Variants in RPL32 observed in about 807,000 individuals in gnomAD.
RPL32 encodes the protein ribosomal protein L32.
For missense variants in RPL32, 117 were observed against 173.7 expected, an observed-to-expected ratio of 0.67 and a Z score of 1.83; for synonymous variants, 61 against 62.6, an observed-to-expected ratio of 0.98 and a Z score of 0.12.
intron 1 of RPL32, 94 bp from the exon 2 acceptor site, chr3:12,840,336 C>T (rs569867218): frequency 2.2e-6 from 2 of 920,662 alleles, no homozygotes; most frequent in South Asian, 1.3e-5. Context: ...GTCTTCCAAT[C>T]GCCAGCTACG....
chr3:12,838,968 G>A (rs2062123566), intron 3 of RPL32: 23 of 311,024 alleles, frequency 7.4e-5, no homozygotes, highest in South Asian at 7.4e-4. Context: ...ATTTGGCTCA[G>A]AATAAATCTC....
intron 3 of RPL32, among the ~76,000 whole-genome samples, chr3:12,836,900 C>G (rs952841407): frequency 2.6e-5 from 4 of 152,102 alleles, no homozygotes; most frequent in African/African-American, 9.7e-5. Flanking sequence ...ACATTCCACC[C>G]CTAAAGCATT....
chr3:12,839,594 A>AG (rs1427081714), intron 2 of RPL32, 64 bp from the exon 3 acceptor site: 7 of 1,470,608 alleles, frequency 4.8e-6, no homozygotes, highest in Non-Finnish European at 5.7e-6. Context: ...CCTTTTGGGG[A>AG]GGGAAAAAAA....
intron 1 of RPL32, chr3:12,840,815 A>C (rs1575791020): frequency 1.2e-5 from 3 of 240,146 alleles, no homozygotes; most frequent in Non-Finnish European, 2.6e-5. Context: ...ATCAACTCAC[A>C]CCTTCCTCAG....
intron 3 of RPL32, among the ~76,000 whole-genome samples, chr3:12,838,774 C>T (rs1239893548): frequency 7.2e-5 from 11 of 152,190 alleles, no homozygotes; most frequent in Non-Finnish European, 1.2e-4. Flanking sequence ...CGACGAGAAA[C>T]AGAAAATCTA....
chr3:12,835,826 G>A lies in RPL32; in HGVS notation c.*268C>T, dbSNP rs2062095006. ...AAGTGTCTCAGAACCTACCTGGTGT[G>A]AGGGCCAAGTCTGTACCCCTCATAC... On this transcript the variant is annotated 3_prime_UTR_variant, in exon 4 of 4. Coordinates refer to ENST00000429711, the MANE Select transcript of RPL32 (RefSeq NM_000994.4). 1 of 387,994 alleles carries A rather than the reference G, an allele frequency of 2.6e-6. No individual in the cohort carries two copies. The highest frequency in any genetic ancestry group is 2.1e-5 in the African/African-American group (1 of 48,716). The allele number at this position is 387,994 out of a possible 1,614,324, so 24.0% of individuals were successfully genotyped here.
In RPL32 at chr3:12,836,081, G is replaced by C. The variant is rs1185116240; in HGVS notation, c.*13C>G. The C allele has an allele frequency of 6.2e-7, 1 of 1,610,590 alleles. No individual in the cohort carries two copies. Among genetic ancestry groups the C allele is most frequent in the African/African-American group, 1.3e-5 (1 of 74,920 alleles). On this transcript the variant is annotated 3_prime_UTR_variant, in exon 4 of 4. Coordinates refer to ENST00000429711, the MANE Select transcript of RPL32 (RefSeq NM_000994.4). ...TTACATTTATTTAAACAGAAAACGTGCACATGAGCTGCCTACTCATTTTCT... is the reference window on the plus strand; with the variant it reads ...TTACATTTATTTAAACAGAAAACGTCCACATGAGCTGCCTACTCATTTTCT...
chr3:12,838,973 A>C, intron 3 of RPL32: 1 of 314,310 alleles, frequency 3.2e-6, no homozygotes, highest in South Asian at 3.2e-5. Flanking sequence ...GCTCAGAATA[A>C]ATCTCTTCGA....
chr3:12,838,888 T>TC (rs1289088078), intron 3 of RPL32, among the ~76,000 whole-genome samples: 1 of 152,112 alleles, frequency 6.6e-6, no homozygotes, highest in African/African-American at 2.4e-5. Flanking sequence ...ACCAAGCTGC[T>TC]CCCCGCCCAC....
chr3:12,835,498 G>C lies in RPL32; in HGVS notation c.*596C>G, dbSNP rs1164819307. 1 of 152,708 alleles carries C rather than the reference G, an allele frequency of 6.5e-6. No homozygotes were observed. Among genetic ancestry groups the C allele is most frequent in the Non-Finnish European group, 1.5e-5 (1 of 68,394 alleles). The allele number at this position is 152,708 out of a possible 1,614,324, so 9.5% of individuals were successfully genotyped here. ...AGTTAGGTCCCCGCCTTGGCAAACTGCTGTAACATTATACCTGAAGCAGCA... is the reference window on the plus strand; with the variant it reads ...AGTTAGGTCCCCGCCTTGGCAAACTCCTGTAACATTATACCTGAAGCAGCA... On this transcript the variant is annotated 3_prime_UTR_variant, in exon 4 of 4. Transcript: ENST00000429711.
intron 2 of RPL32, 197 bp from the exon 3 acceptor site, chr3:12,839,727 C>T: frequency 3.2e-6 from 2 of 633,058 alleles, no homozygotes; most frequent in Non-Finnish European, 5.5e-6. Context: ...GGGATGAAGG[C>T]ACCCCCACCA....
chr3:12,836,136 G>T lies in RPL32; in HGVS notation c.366C>A (p.Val122=), dbSNP rs2062098136. ...VERAAQLAIR[V]TNPNARLRSE... ...TGCGCAGCCTGGCATTGGGGTTGGT[G>T]ACTCTGATGGCCAGTTGGGCAGCTC... The change falls in exon 4 of 4, where the codon GTC becomes GTA. Residue 122 remains valine (V), a synonymous_variant. Coordinates refer to ENST00000429711, the MANE Select transcript of RPL32 (RefSeq NM_000994.4). 2.5e-6 allele frequency: 4 copies of T among 1,608,856 alleles called. No homozygotes were observed. The highest frequency in any genetic ancestry group is 1.7e-5 in the Admixed American group (1 of 60,022).
chr3:12,835,409 CAAAA>C lies in RPL32; in HGVS notation c.*681_*684del, dbSNP rs1381039112. On this transcript the variant is annotated 3_prime_UTR_variant, in exon 4 of 4. Transcript: ENST00000429711. Reference sequence around the variant, plus strand: ...CTGGGTGAGAGCAAGACCCCGTCTCCAAAAAAAATCAGGACCACGTGTCACTAAA... The same window carrying C: ...CTGGGTGAGAGCAAGACCCCGTCTCCAAAATCAGGACCACGTGTCACTAAA... 2 of 151,900 alleles carry C rather than the reference CAAAA, an allele frequency of 1.3e-5. No homozygotes were observed. The highest frequency in any genetic ancestry group is 4.8e-5 in the African/African-American group (2 of 41,296). The allele number at this position is 151,900 out of a possible 1,614,324, so 9.4% of individuals were successfully genotyped here.
intron 3 of RPL32, among the ~76,000 whole-genome samples, chr3:12,838,173 A>G (rs1342877260): frequency 6.6e-6 from 1 of 152,220 alleles, no homozygotes; most frequent in Non-Finnish European, 1.5e-5. Context: ...TTGGGAGGCT[A>G]AGGCAGGCAG....
In RPL32 at chr3:12,840,233, G is replaced by A. The variant is rs776601154; in HGVS notation, c.5C>T (p.Ala2Val). 1.2e-6 allele frequency: 2 copies of A among 1,613,442 alleles called. No homozygotes were observed. The highest frequency in any genetic ancestry group is 2.2e-5 in the South Asian group (2 of 91,076). Residue 2 changes from alanine (A) to valine (V), a missense_variant, in exon 2 of 4, where the codon GCC (alanine) becomes GTC (valine). Coordinates refer to ENST00000429711, the MANE Select transcript of RPL32 (RefSeq NM_000994.4). M[A>V]ALRPLVKPKI... Reference sequence around the variant, plus strand: ...GGGCTTCACAAGGGGTCTGAGGGCGGCCATGATGCCTTTTGGGGAAGAAGC... The same window carrying A: ...GGGCTTCACAAGGGGTCTGAGGGCGACCATGATGCCTTTTGGGGAAGAAGC...
intron 1 of RPL32, 36 bp from the exon 2 acceptor site, chr3:12,840,278 T>A (rs375436042): frequency 6.8e-7 from 1 of 1,470,214 alleles, no homozygotes; most frequent in African/African-American, 1.4e-5. Context: ...TGAGGAAGAA[T>A]CCTGGAAGGA....
rs1451475167 is a variant in RPL32, at chr3:12,834,596, C to T, written c.*1498G>A. ...CTGGACAGGCTTGGACCTCATGTTTCATTTCTAATTTCAAAATACTTATTA... is the reference window on the plus strand; with the variant it reads ...CTGGACAGGCTTGGACCTCATGTTTTATTTCTAATTTCAAAATACTTATTA... On this transcript the variant is annotated 3_prime_UTR_variant, in exon 4 of 4. Transcript: ENST00000429711. 2.6e-5 allele frequency: 4 copies of T among 152,490 alleles called. No homozygotes were observed. The highest frequency in any genetic ancestry group is 4.4e-5 in the Non-Finnish European group (3 of 68,294). The allele number at this position is 152,490 out of a possible 1,614,324, so 9.4% of individuals were successfully genotyped here.
At position 12,836,072 on chromosome 3, in the gene RPL32, A is replaced by C. The variant is rs779976908; in HGVS notation, c.*22T>G. ...TGGCAGTTTTTACATTTATTTAAAC[A>C]GAAAACGTGCACATGAGCTGCCTAC... is the stretch of plus-strand genomic sequence containing the variant. On this transcript the variant is annotated 3_prime_UTR_variant, in exon 4 of 4. Transcript: ENST00000429711. 1 of 1,609,238 alleles carries C rather than the reference A, an allele frequency of 6.2e-7. No homozygotes were observed. Among genetic ancestry groups the C allele is most frequent in the Non-Finnish European group, 8.5e-7 (1 of 1,179,410 alleles).
chr3:12,840,045 G>A (rs933290040), intron 2 of RPL32, 97 bp downstream of exon 2: 2 of 1,005,748 alleles, frequency 2.0e-6, no homozygotes, highest in Non-Finnish European at 3.2e-6. Context: ...CCACAAGCCA[G>A]TTCATCGGTC....
Sources: gnomAD v4.1 joint callset for allele counts (sites outside exome capture counted in the v4.1 genomes callset) on GRCh38, gnomAD v4.1.1 for gene constraint, MANE v1.5 for transcripts, NCBI Gene and HGNC (gene_info 2026-07-23, HGNC 2026-07-21) for gene names.